The following FGF12 variants were observed in gnomAD, a reference collection of about 807,000 sequenced individuals.
FGF12 encodes the protein fibroblast growth factor 12B.
FGF12 carries 14 observed loss-of-function variants against 23.6 expected under a neutral mutation model. The observed-to-expected ratio is 0.59, with a 90% confidence interval of 0.39 to 0.93. FGF12 has a LOEUF of 0.93. Ranked by LOEUF, FGF12 falls within the 40% of genes least tolerant of loss-of-function variation. The pLI, the probability that FGF12 is intolerant of heterozygous loss-of-function variation, is 0.00. For missense variants in FGF12, 175 were observed against 217.8 expected, an observed-to-expected ratio of 0.80 and a Z score of 1.24; for synonymous variants, 62 against 77.3, an observed-to-expected ratio of 0.80 and a Z score of 1.04.
At chr3:192,680,166 G>A (rs1310421628) in intron 2 of FGF12, among the ~76,000 whole-genome samples, 2 of 152,156 alleles carry the variant, frequency 1.3e-5, no homozygotes, top group African/African-American at 4.8e-5. Flanking sequence ...AATAGATACT[G>A]TCAAGGGAGG....
At chr3:192,176,226 GTTCTCTCTGTTTCTCTATCAAA>G (rs1370156658) in intron 4 of FGF12, among the ~76,000 whole-genome samples, 3 of 152,188 alleles carry the variant, frequency 2.0e-5, no homozygotes, top group Non-Finnish European at 4.4e-5. Context: ...TGCTCAAGCT[GTTCTCTCTGTTTCTCTATCAAA>G]TAGGACCATA....
At chr3:192,305,926 T>C (rs1422777735) in intron 4 of FGF12, among the ~76,000 whole-genome samples, 1 of 139,292 alleles carries the variant, frequency 7.2e-6, no homozygotes, top group Non-Finnish European at 1.5e-5. Context: ...AGTGGCATGA[T>C]CTCAGCTCAC....
chr3:192,703,882 T>G (rs181377760), intron 2 of FGF12, among the ~76,000 whole-genome samples: 1 of 152,306 alleles, frequency 6.6e-6, no homozygotes, highest in Admixed American at 6.5e-5. Context: ...TTAAAAATTT[T>G]TTTGTAGAGA....
At chr3:192,260,822 T>A (rs1201602353) in intron 4 of FGF12, among the ~76,000 whole-genome samples, 1 of 152,144 alleles carries the variant, frequency 6.6e-6, no homozygotes, top group African/African-American at 2.4e-5. Flanking sequence ...TACTAGGCTC[T>A]AACCCATGCC....
intron 2 of FGF12, among the ~76,000 whole-genome samples, chr3:192,410,559 A>C (rs1279287321): frequency 6.6e-6 from 1 of 152,318 alleles, no homozygotes; most frequent in Middle Eastern, 3.4e-3. Context: ...TTAGGAAGAA[A>C]GTGAACACTG....
chr3:192,689,695 A>G (rs1405964962), intron 2 of FGF12, among the ~76,000 whole-genome samples: 1 of 151,958 alleles, frequency 6.6e-6, no homozygotes, highest in East Asian at 1.9e-4. Context: ...TATTTTTTGC[A>G]TAATAGGATT....
At chr3:192,434,083 T>C (rs1721942177) in intron 2 of FGF12, among the ~76,000 whole-genome samples, 1 of 152,098 alleles carries the variant, frequency 6.6e-6, no homozygotes, top group Non-Finnish European at 1.5e-5. Context: ...GAAAAACTGA[T>C]AAAGCAAATG....
At position 192,514,606 on chromosome 3, in the gene FGF12, C is replaced by T. The variant is rs1411647664; in HGVS notation, c.14-154068G>A. ...CAGAGGAGGGCGGCGGAGAGGGCCC[C>T]GGAAGAAGGGAAGGGGGCATTCTGC... is the stretch of plus-strand genomic sequence containing the variant. On this transcript the variant is annotated intron_variant, in intron 2 of 5. Coordinates refer to ENST00000445105, the MANE Select transcript of FGF12 (RefSeq NM_004113.6). The surrounding 1 kb of genome is among the most constrained non-coding windows in gnomAD (Gnocchi z 4.9). 12 of 811,366 alleles carry T rather than the reference C, an allele frequency of 1.5e-5. No homozygotes were observed. Among genetic ancestry groups the T allele is most frequent in the Non-Finnish European group, 1.8e-5 (12 of 671,188 alleles). 50.3% of individuals were successfully genotyped at this position (811,366 alleles called of 1,614,324 possible). A position where few individuals can be genotyped will look rare whatever the true frequency, so the allele number is the denominator to read the frequency against.
chr3:192,275,148 T>G (rs900154606), intron 4 of FGF12, among the ~76,000 whole-genome samples: 8 of 152,110 alleles, frequency 5.3e-5, no homozygotes, highest in Admixed American at 2.0e-4. Flanking sequence ...AAGCCATTCG[T>G]TTAGACTGAG....
At chr3:192,545,641 A>G (rs973651864) in intron 2 of FGF12, among the ~76,000 whole-genome samples, 3 of 152,234 alleles carry the variant, frequency 2.0e-5, no homozygotes, top group African/African-American at 7.2e-5. Context: ...CCAGAAGAAA[A>G]CAAAATTGTC....
chr3:192,490,873 T>A, intron 2 of FGF12, among the ~76,000 whole-genome samples: 1 of 152,082 alleles, frequency 6.6e-6, no homozygotes, highest in East Asian at 1.9e-4. Flanking sequence ...TTGCTGCCCT[T>A]GGGGAGGGCA....
At position 192,326,173 on chromosome 3, in the gene FGF12, A is replaced by C. The variant is rs59674482; in HGVS notation, c.228+9188T>G. On this transcript the variant is annotated intron_variant, in intron 4 of 5. Transcript: ENST00000445105. ...CCTAACCTCAAGGAATTTGCATCTG[A>C]TAAGATATAAAAAGCATTAAGAACA... 8.2e-3 allele frequency among the ~76,000 whole-genome samples: 1,253 copies of C among 152,282 alleles called. 12 individuals are homozygous for C. Among genetic ancestry groups the C allele is most frequent in the African/African-American group, 0.029 (1,201 of 41,530 alleles).
chr3:192,439,488 T>G (rs1440763248), intron 2 of FGF12, among the ~76,000 whole-genome samples: 1 of 152,218 alleles, frequency 6.6e-6, no homozygotes, highest in Non-Finnish European at 1.5e-5. Flanking sequence ...GGATCAATCA[T>G]TCAACAAATA....
At chr3:192,660,503 A>G (rs1332692824) in intron 2 of FGF12, among the ~76,000 whole-genome samples, 2 of 151,274 alleles carry the variant, frequency 1.3e-5, no homozygotes, top group Non-Finnish European at 3.0e-5. Context: ...TAGAACTTAA[A>G]GTATAAAAAA....
rs552048573 is a variant in FGF12, at chr3:192,349,416, C to T, written c.124+11012G>A. ...TTTCCACTACTTCAAGAAACCCTCTCTTTTTAGTTTCTTATTCTTAAAACA... is the reference window on the plus strand; with the variant it reads ...TTTCCACTACTTCAAGAAACCCTCTTTTTTTAGTTTCTTATTCTTAAAACA... On this transcript the variant is annotated intron_variant, in intron 3 of 5. Coordinates refer to ENST00000445105, the MANE Select transcript of FGF12 (RefSeq NM_004113.6). Among the ~76,000 whole-genome samples the T allele has an allele frequency of 2.6e-5, 4 of 152,160 alleles. No homozygotes were observed. The South Asian group carries it at 8.3e-4, about 32-fold the overall frequency.
chr3:192,447,550 G>C (rs1722391133), intron 2 of FGF12, among the ~76,000 whole-genome samples: 1 of 152,022 alleles, frequency 6.6e-6, no homozygotes, highest in Admixed American at 6.6e-5. Context: ...CTAGACATTT[G>C]GTTTACATAG....
At position 192,507,334 on chromosome 3, in the gene FGF12, TACACACACACACACAC is replaced by T. The variant is rs35433581; in HGVS notation, c.14-146812_14-146797del. Reference sequence around the variant, plus strand: ...GCAATTTTTAATGCATTTGACCAAATACACACACACACACACACACACACACACACACACACACACA... The same window carrying T: ...GCAATTTTTAATGCATTTGACCAAATACACACACACACACACACACACACA... On this transcript the variant is annotated intron_variant, in intron 2 of 5. Transcript: ENST00000445105. Among the ~76,000 whole-genome samples the T allele has an allele frequency of 5.0e-3, 728 of 144,706 alleles. 5 individuals carry two copies. The highest frequency in any genetic ancestry group is 9.9e-3 in the Admixed American group (143 of 14,472). 94.9% of individuals were successfully genotyped at this position (144,706 alleles called of 152,430 possible).
Position 192,514,412 on chromosome 3 carries a change from G to T in FGF12, c.14-153874C>A, listed in dbSNP as rs1162132104. ...GCGCCGCTTGGAGAGAGACCCGCAG[G>T]TTTCAGCCCAGGCGCGCCCGGCGAA... On this transcript the variant is annotated intron_variant, in intron 2 of 5. Coordinates refer to ENST00000445105, the MANE Select transcript of FGF12 (RefSeq NM_004113.6). The surrounding 1 kb of genome is among the most constrained non-coding windows in gnomAD (Gnocchi z 4.9). 6.6e-6 allele frequency among the ~76,000 whole-genome samples: 1 copy of T among 152,196 alleles called. No individual in the cohort carries two copies. Among genetic ancestry groups the T allele is most frequent in the African/African-American group, 2.4e-5 (1 of 41,456 alleles).
intron 4 of FGF12, among the ~76,000 whole-genome samples, chr3:192,295,978 C>T (rs896642507): frequency 2.0e-5 from 3 of 151,554 alleles, no homozygotes; most frequent in Non-Finnish European, 4.4e-5. Flanking sequence ...ATCTACCAGG[C>T]TCAAGCGATC....
Sources: gnomAD v4.1 joint callset for allele counts (sites outside exome capture counted in the v4.1 genomes callset) on GRCh38, gnomAD v4.1.1 for gene constraint, Gnocchi (gnomAD v3.1) non-coding constraint, MANE v1.5 for transcripts, NCBI Gene and HGNC (gene_info 2026-07-23, HGNC 2026-07-21) for gene names.